The following FTO variants were observed in gnomAD, a reference collection of about 807,000 sequenced individuals.
The protein encoded by FTO is FTO alpha-ketoglutarate dependent dioxygenase.
FTO carries 47 observed loss-of-function variants against 63.9 expected under a neutral mutation model. That is an observed-to-expected ratio of 0.74 (90% CI 0.58 to 0.94). The LOEUF (loss-of-function observed/expected upper bound fraction) is 0.94, where lower values mean the gene tolerates loss of function less well. Ranked by LOEUF, FTO falls within the 40% of genes least tolerant of loss-of-function variation. FTO has a pLI of 0.00. For missense variants in FTO, 562 were observed against 618.1 expected (o/e 0.91, Z 0.96); for synonymous variants, 207 against 224.4 (o/e 0.92, Z 0.69).
chr16:53,850,249 C>T (rs994717189), intron 4 of FTO, among the ~76,000 whole-genome samples: 1 of 152,098 alleles, frequency 6.6e-6, no homozygotes, highest in Admixed American at 6.5e-5. Flanking sequence ...AGAAACATGA[C>T]AGTATAGTTT....
chr16:53,929,538 AT>A (rs369777655), intron 7 of FTO, among the ~76,000 whole-genome samples: 11 of 152,280 alleles, frequency 7.2e-5, no homozygotes, highest in African/African-American at 2.6e-4. Flanking sequence ...ATAAGTTATC[AT>A]TTTTTTAGAT....
At chr16:54,101,051 C>T (rs920022783) in intron 8 of FTO, among the ~76,000 whole-genome samples, 4 of 152,068 alleles carry the variant, frequency 2.6e-5, no homozygotes, top group Admixed American at 1.3e-4. Flanking sequence ...CCTGGAGGTA[C>T]GATCTGAGCA....
At chr16:54,037,840 C>T (rs553205013) in intron 8 of FTO, among the ~76,000 whole-genome samples, 3 of 152,270 alleles carry the variant, frequency 2.0e-5, no homozygotes, top group East Asian at 1.9e-4. Context: ...GTAAAAATTA[C>T]GTATGCATAT....
At chr16:53,905,118 A>G (rs376649201) in intron 7 of FTO, among the ~76,000 whole-genome samples, 11 of 152,174 alleles carry the variant, frequency 7.2e-5, no homozygotes, top group African/African-American at 2.6e-4. Context: ...TGGGGGCCTT[A>G]CTAGACCACA....
At chr16:54,101,173 G>A (rs2086635312) in intron 8 of FTO, among the ~76,000 whole-genome samples, 1 of 149,924 alleles carries the variant, frequency 6.7e-6, no homozygotes, top group African/African-American at 2.5e-5. Flanking sequence ...GTGGAGGTTT[G>A]TTACATAGGT....
chr16:53,876,568 G>T (rs2080660280), intron 5 of FTO, among the ~76,000 whole-genome samples: 1 of 152,150 alleles, frequency 6.6e-6, no homozygotes, highest in Non-Finnish European at 1.5e-5. Flanking sequence ...AATATTCCAA[G>T]AATTCTTAGA....
intron 1 of FTO, among the ~76,000 whole-genome samples, chr16:53,785,753 T>C (rs989414573): frequency 6.6e-6 from 1 of 151,546 alleles, no homozygotes; most frequent in Non-Finnish European, 1.5e-5. Flanking sequence ...CTACTAAAAA[T>C]ACAAAAATTA....
intron 8 of FTO, among the ~76,000 whole-genome samples, chr16:53,962,981 A>G (rs1438305451): frequency 6.6e-6 from 1 of 152,194 alleles, no homozygotes; most frequent in Non-Finnish European, 1.5e-5. Flanking sequence ...GCTCAAATCC[A>G]ATAGGAAAAA....
intron 1 of FTO, among the ~76,000 whole-genome samples, chr16:53,770,882 A>G (rs934914834): frequency 6.6e-6 from 1 of 152,052 alleles, no homozygotes; most frequent in Admixed American, 6.6e-5. Context: ...CTCCTAACTC[A>G]AGGCACTTCT....
rs5816913 is a variant in FTO, at chr16:53,984,321, C to CTTTT, written c.1364+50236_1364+50239dup. Among the ~76,000 whole-genome samples, 64 of 67,312 alleles carry CTTTT rather than the reference C, an allele frequency of 9.5e-4. 7 individuals carry two copies. The highest frequency in any genetic ancestry group is 1.1e-3 in the East Asian group (2 of 1,744). The allele number at this position is 67,312 out of a possible 152,430, so 44.2% of individuals were successfully genotyped here. On this transcript the variant is annotated intron_variant, in intron 8 of 8. Coordinates refer to ENST00000471389, the MANE Select transcript of FTO (RefSeq NM_001080432.3). ...CCTCTATCCCTCCCTTGGAATGGGTCTTTTTTTTTTTTTTTTTTTTTTTTT... is the reference window on the plus strand; with the variant it reads ...CCTCTATCCCTCCCTTGGAATGGGTCTTTTTTTTTTTTTTTTTTTTTTTTTTTTT...
chr16:54,014,669 A>G (rs1168355479), intron 8 of FTO, among the ~76,000 whole-genome samples: 2 of 152,086 alleles, frequency 1.3e-5, no homozygotes, highest in African/African-American at 4.8e-5. Context: ...TTAGTTTTGC[A>G]TATGTGAGAA....
chr16:53,800,828 C>T (rs1273641250), intron 1 of FTO, among the ~76,000 whole-genome samples: 1 of 151,240 alleles, frequency 6.6e-6, no homozygotes, highest in Non-Finnish European at 1.5e-5. Flanking sequence ...AATTTTTTTC[C>T]AACTTTTTAC....
chr16:54,060,965 T>A (rs1441687898), intron 8 of FTO, among the ~76,000 whole-genome samples: 1 of 152,202 alleles, frequency 6.6e-6, no homozygotes, highest in Non-Finnish European at 1.5e-5. Context: ...CATTTTCATC[T>A]CTTGTTGAAG....
At chr16:53,984,321 CTTTTTT>C (rs5816913) in intron 8 of FTO, among the ~76,000 whole-genome samples, 3 of 67,288 alleles carry the variant, frequency 4.5e-5, no homozygotes, top group Admixed American at 2.1e-4. Flanking sequence ...TGGAATGGGT[CTTTTTT>C]TTTTTTTTTT....
At chr16:53,970,462 C>T (rs371048939) in intron 8 of FTO, among the ~76,000 whole-genome samples, 15 of 151,682 alleles carry the variant, frequency 9.9e-5, no homozygotes, top group East Asian at 1.9e-4. Flanking sequence ...TGGTGGTGGG[C>T]GCCTATAATC....
At chr16:54,080,056 A>G (rs1362851152) in intron 8 of FTO, among the ~76,000 whole-genome samples, 2 of 152,122 alleles carry the variant, frequency 1.3e-5, no homozygotes, top group African/African-American at 4.8e-5. Context: ...CAGTCATAAG[A>G]TAGTTTTCAT....
At chr16:53,944,987 A>G (rs1158176006) in intron 8 of FTO, among the ~76,000 whole-genome samples, 1 of 152,160 alleles carries the variant, frequency 6.6e-6, no homozygotes, top group African/African-American at 2.4e-5. Context: ...TGTGCTCAGC[A>G]GTGTCACACA....
chr16:53,955,615 A>G (rs1046204975), intron 8 of FTO, among the ~76,000 whole-genome samples: 1 of 152,186 alleles, frequency 6.6e-6, no homozygotes, highest in African/African-American at 2.4e-5. Context: ...TCTATTTACA[A>G]AGTATACGGA....
chr16:53,922,513 A>G (rs147706357), intron 7 of FTO, among the ~76,000 whole-genome samples: 140 of 152,362 alleles, frequency 9.2e-4, no homozygotes, highest in Non-Finnish European at 1.8e-3. Flanking sequence ...GAAAATGCCA[A>G]CAAAGTCATC....
Sources: allele counts gnomAD v4.1 joint callset (sites outside exome capture counted in the v4.1 genomes callset), GRCh38; gene constraint gnomAD v4.1.1; transcripts MANE v1.5; gene names NCBI Gene and HGNC (gene_info 2026-07-23, HGNC 2026-07-21).